LGI1: variants seen among roughly 807,000 people sequenced by gnomAD.
LGI1 encodes leucine-rich glioma-inactivated protein 1.
A neutral mutation model predicts 57.7 loss-of-function variants in LGI1; 11 were observed. The ratio of observed to expected loss-of-function variants is 0.19; its 90% CI spans 0.12 to 0.32. The LOEUF (loss-of-function observed/expected upper bound fraction) is 0.32, where lower values mean the gene tolerates loss of function less well. LGI1 is among the 10% of genes least tolerant of loss of function. The pLI is 1.00. For synonymous variants in LGI1, 222 were observed against 241.9 expected, an observed-to-expected ratio of 0.92 and a Z score of 0.76; for missense variants, 422 against 661.9, an observed-to-expected ratio of 0.64 and a Z score of 3.98.
chr10:93,774,120 C>T (rs533189285), intron 2 of LGI1, among the ~76,000 whole-genome samples: 1 of 152,318 alleles, frequency 6.6e-6, no homozygotes, highest in East Asian at 1.9e-4. Context: ...TCCAGGCAGA[C>T]TTGCTGCAAG....
chr10:93,792,485 C>A, intron 5 of LGI1: 1 of 512,178 alleles, frequency 2.0e-6, no homozygotes, highest in Non-Finnish European at 3.5e-6. Flanking sequence ...ATTGACAGCA[C>A]AGCCCTAGAC....
chr10:93,765,608 A>G (rs2059665560), intron 2 of LGI1: 1 of 152,354 alleles, frequency 6.6e-6, no homozygotes, highest in East Asian at 1.9e-4. Context: ...GTCTCCTCCT[A>G]TCTTAAAATT....
At chr10:93,786,828 A>G (rs1177759881) in intron 4 of LGI1, among the ~76,000 whole-genome samples, 1 of 152,192 alleles carries the variant, frequency 6.6e-6, no homozygotes, top group Non-Finnish European at 1.5e-5. Flanking sequence ...TCCTGACCTC[A>G]GGTGATCCGC....
chr10:93,761,191 G>C (rs887436030), intron 2 of LGI1, among the ~76,000 whole-genome samples: 17 of 152,162 alleles, frequency 1.1e-4, no homozygotes, highest in African/African-American at 3.9e-4. Context: ...CTGTGAGACA[G>C]GGCTGTCCAG....
intron 2 of LGI1, among the ~76,000 whole-genome samples, chr10:93,774,367 G>A (rs1331547166): frequency 6.6e-6 from 1 of 152,034 alleles, no homozygotes; most frequent in Admixed American, 6.5e-5. Flanking sequence ...CATTGGCTCA[G>A]GTTTCAACAC....
intron 2 of LGI1, chr10:93,769,956 C>T (rs1453270772): frequency 2.0e-5 from 3 of 152,226 alleles, no homozygotes; most frequent in African/African-American, 7.2e-5. Flanking sequence ...TGGAGAGAGT[C>T]TGAAGAAGTA....
In LGI1 at chr10:93,766,244, A is replaced by G. The variant is rs566746135; in HGVS notation, c.287+7413A>G. 2.6e-5 allele frequency among the ~76,000 whole-genome samples: 4 copies of G among 152,290 alleles called. No homozygotes were observed. In the East Asian group the frequency reaches 7.7e-4, roughly 29 times the overall value. On this transcript the variant is annotated intron_variant, in intron 2 of 7. Coordinates refer to ENST00000371418, the MANE Select transcript of LGI1 (RefSeq NM_005097.4). The stretch of plus-strand genomic sequence containing the variant: ...GTTAGGCCCATTTTTATATAGCAAG[A>G]TGGCAGGTGCTTGCATGTGTAAAAT...
At chr10:93,790,376 A>G (rs968288602) in intron 5 of LGI1, 15 of 567,392 alleles carry the variant, frequency 2.6e-5, no homozygotes, top group Middle Eastern at 4.6e-4. Context: ...TTCTGAATAC[A>G]TGGCACCCAG....
intron 2 of LGI1, chr10:93,764,712 G>A (rs1173255484): frequency 6.6e-6 from 1 of 152,182 alleles, no homozygotes; most frequent in Non-Finnish European, 1.5e-5. Context: ...AGTACCTATT[G>A]CACAGAATTA....
At position 93,793,168 on chromosome 10, in the gene LGI1, T is replaced by C. The variant is rs1108877; in HGVS notation, c.674-18T>C. On this transcript the variant is annotated intron_variant, in intron 6 of 7. Coordinates refer to ENST00000371418, the MANE Select transcript of LGI1 (RefSeq NM_005097.4). The stretch of plus-strand genomic sequence containing the variant: ...GAGGTATTAGCTCACAGTTACTTAT[T>C]ATTTCCTATTTTTGCAGAATTTGCA... 138,263 of 1,594,232 alleles carry C rather than the reference T, an allele frequency of 0.087. 16,033 individuals carry two copies. Among genetic ancestry groups the C allele is most frequent in the African/African-American group, 0.57 (42,179 of 74,084 alleles).
intron 7 of LGI1, among the ~76,000 whole-genome samples, chr10:93,795,084 C>T (rs1490612484): frequency 1.3e-5 from 2 of 152,116 alleles, no homozygotes; most frequent in East Asian, 3.9e-4. Flanking sequence ...CGGTCGAAAC[C>T]AGGCTTTTCT....
intron 4 of LGI1, among the ~76,000 whole-genome samples, chr10:93,779,385 GGAAGGAAAGAAA>G (rs1317011791): frequency 1.5e-5 from 2 of 134,788 alleles, no homozygotes; most frequent in East Asian, 5.1e-4. Context: ...AAGGAAGGAG[GGAAGGAAAGAAA>G]GAAGGAAGGA....
chr10:93,793,055 C>G, intron 6 of LGI1, 131 bp from the exon 7 acceptor site: 6 of 1,118,454 alleles, frequency 5.4e-6, no homozygotes, highest in Non-Finnish European at 7.7e-6. Context: ...ATTGACAATG[C>G]TTCATGTGTT....
intron 2 of LGI1, among the ~76,000 whole-genome samples, chr10:93,766,114 C>A (rs927545776): frequency 6.6e-6 from 1 of 152,066 alleles, no homozygotes; most frequent in African/African-American, 2.4e-5. Context: ...AGTTCCCAAT[C>A]TCCCAAACAG....
At chr10:93,768,076 G>A (rs1198065504) in intron 2 of LGI1, 1 of 152,216 alleles carries the variant, frequency 6.6e-6, no homozygotes, top group Non-Finnish European at 1.5e-5. Context: ...AAAAGGCACA[G>A]TTAAGAACCC....
chr10:93,760,893 C>T (rs769717904), intron 2 of LGI1, among the ~76,000 whole-genome samples: 69 of 152,212 alleles, frequency 4.5e-4, no homozygotes, highest in Non-Finnish European at 8.2e-4. Flanking sequence ...AGTGTGTTCT[C>T]GGTTAACTCA....
At chr10:93,777,509 G>A (rs745477988) in intron 3 of LGI1, 37 bp from the exon 4 acceptor site, 1 of 1,609,848 alleles carries the variant, frequency 6.2e-7, no homozygotes, top group South Asian at 1.1e-5. Flanking sequence ...TCAAGTTCCT[G>A]TAACTGTTTG....
At chr10:93,763,554 T>C (rs1034374072) in intron 2 of LGI1, 4 of 152,234 alleles carry the variant, frequency 2.6e-5, no homozygotes, top group African/African-American at 9.6e-5. Flanking sequence ...TGAAGACTCC[T>C]GTGTTACTCT....
At chr10:93,796,847 A>C in intron 7 of LGI1, 121 bp from the exon 8 acceptor site, 1 of 826,296 alleles carries the variant, frequency 1.2e-6, no homozygotes, top group East Asian at 2.6e-5. Context: ...TTGCCTAATC[A>C]ACCAAGGAGA....
Sources: allele counts gnomAD v4.1 joint callset (sites outside exome capture counted in the v4.1 genomes callset), GRCh38; gene constraint gnomAD v4.1.1; transcripts MANE v1.5; gene names NCBI Gene and HGNC (gene_info 2026-07-23, HGNC 2026-07-21).